ERBB4: variants seen among roughly 807,000 people sequenced by gnomAD.
ERBB4 encodes the protein receptor tyrosine-protein kinase erbB-4.
Under a neutral mutation model 158.0 loss-of-function variants are expected in ERBB4, and 42 were observed. That is an observed-to-expected ratio of 0.27 (90% CI 0.21 to 0.34). The LOEUF is 0.34. ERBB4 is among the 10% of genes least tolerant of loss of function. The pLI is 1.00. For synonymous variants in ERBB4, 583 were observed against 558.7 expected (o/e 1.04, Z -0.61); for missense variants, 1,333 against 1,624.1 (o/e 0.82, Z 3.08).
chr2:212,146,482 G>C (rs2080677660), intron 1 of ERBB4, among the ~76,000 whole-genome samples: 1 of 152,128 alleles, frequency 6.6e-6, no homozygotes, highest in African/African-American at 2.4e-5. Flanking sequence ...ATTTGAAATT[G>C]TGCACTATTT....
chr2:211,943,339 A>G (rs193105279), intron 3 of ERBB4, among the ~76,000 whole-genome samples: 52 of 152,240 alleles, frequency 3.4e-4, no homozygotes, highest in African/African-American at 1.2e-3. Context: ...GTTTGGTTAA[A>G]AAAGAGGTGA....
At chr2:211,528,476 A>G (rs1003393758) in intron 20 of ERBB4, among the ~76,000 whole-genome samples, 28 of 152,072 alleles carry the variant, frequency 1.8e-4, no homozygotes, top group African/African-American at 6.3e-4. Context: ...ACAAAGAAAT[A>G]TTGGAGTGAA....
At chr2:212,003,228 G>A (rs193037301) in intron 2 of ERBB4, among the ~76,000 whole-genome samples, 58 of 92,482 alleles carry the variant, frequency 6.3e-4, no homozygotes, top group Non-Finnish European at 7.6e-4. Context: ...AAGGAAGGAA[G>A]GAAGGAAGGA....
intron 2 of ERBB4, among the ~76,000 whole-genome samples, chr2:212,080,544 T>C (rs2078408522): frequency 1.3e-5 from 2 of 151,802 alleles, no homozygotes; most frequent in South Asian, 4.2e-4. Flanking sequence ...TATGTTGATT[T>C]ACATGTTTTG....
intron 1 of ERBB4, among the ~76,000 whole-genome samples, chr2:212,273,749 A>T (rs1246396132): frequency 6.6e-6 from 1 of 151,838 alleles, no homozygotes; most frequent in East Asian, 1.9e-4. Context: ...TATGTTGCTG[A>T]TTATAAACTT....
chr2:212,033,100 G>T (rs1443344798), intron 2 of ERBB4, among the ~76,000 whole-genome samples: 3 of 151,876 alleles, frequency 2.0e-5, no homozygotes, highest in Non-Finnish European at 4.4e-5. Context: ...TAGATACACG[G>T]CAGGGAGAAA....
chr2:212,388,224 T>C (rs1045712862), intron 1 of ERBB4, among the ~76,000 whole-genome samples: 1 of 152,134 alleles, frequency 6.6e-6, no homozygotes, highest in Non-Finnish European at 1.5e-5. Context: ...AATGATTTTC[T>C]AGTTCAGTTG....
intron 1 of ERBB4, among the ~76,000 whole-genome samples, chr2:212,137,061 A>C (rs2080293394): frequency 6.6e-6 from 1 of 152,138 alleles, no homozygotes; most frequent in Admixed American, 6.6e-5. Flanking sequence ...TATTCTAGAA[A>C]CTAGATTCTA....
intron 20 of ERBB4, among the ~76,000 whole-genome samples, chr2:211,472,627 T>C (rs1323091447): frequency 1.3e-5 from 2 of 151,900 alleles, no homozygotes; most frequent in South Asian, 4.1e-4. Flanking sequence ...GGCTTCTTCA[T>C]GCTTTCCCAA....
In ERBB4 at chr2:211,811,489, G is replaced by A. The variant is rs2076755681; in HGVS notation, c.422-23330C>T. On this transcript the variant is annotated intron_variant, in intron 3 of 27. Transcript: ENST00000342788. ...ACCTTGGTGAATCTGACAATTATGT[G>A]TCTCGGGGTTGCTCTTCTCGAGGAG... is the stretch of plus-strand genomic sequence containing the variant. 2.0e-5 allele frequency among the ~76,000 whole-genome samples: 3 copies of A among 152,020 alleles called. No homozygotes were observed. In the South Asian group the frequency reaches 6.3e-4, roughly 32 times the overall value.
At chr2:212,093,548 A>T (rs1164094447) in intron 2 of ERBB4, among the ~76,000 whole-genome samples, 2 of 152,226 alleles carry the variant, frequency 1.3e-5, no homozygotes, top group Non-Finnish European at 2.9e-5. Flanking sequence ...AGCAAAAAAA[A>T]TTACAAATGA....
chr2:212,445,566 A>G, intron 1 of ERBB4, among the ~76,000 whole-genome samples: 1 of 152,298 alleles, frequency 6.6e-6, no homozygotes, highest in African/African-American at 2.4e-5. Context: ...GACCCGGACT[A>G]TCAAGATGAA....
At chr2:212,397,751 T>C (rs974089984) in intron 1 of ERBB4, among the ~76,000 whole-genome samples, 2 of 152,146 alleles carry the variant, frequency 1.3e-5, no homozygotes, top group African/African-American at 2.4e-5. Flanking sequence ...TGTTTTTATA[T>C]TGTGTTCATT....
intron 1 of ERBB4, among the ~76,000 whole-genome samples, chr2:212,268,392 T>C (rs2085226647): frequency 6.6e-6 from 1 of 151,930 alleles, no homozygotes; most frequent in Non-Finnish European, 1.5e-5. Flanking sequence ...CTTTGAAACA[T>C]TAATTTTCGT....
chr2:211,571,841 G>C (rs2067738330), intron 19 of ERBB4, among the ~76,000 whole-genome samples: 1 of 151,942 alleles, frequency 6.6e-6, no homozygotes, highest in Admixed American at 6.6e-5. Context: ...TATTTCAATT[G>C]CTTTCTCATC....
intron 4 of ERBB4, among the ~76,000 whole-genome samples, chr2:211,754,413 T>TTTTTTTC (rs1197186794): frequency 6.6e-6 from 1 of 151,160 alleles, no homozygotes; most frequent in Non-Finnish European, 1.5e-5. Context: ...ATCCCTTTTT[T>TTTTTTTC]TTTTTTGAGA....
At chr2:212,403,113 G>T (rs537167689) in intron 1 of ERBB4, among the ~76,000 whole-genome samples, 4 of 151,934 alleles carry the variant, frequency 2.6e-5, no homozygotes, top group Non-Finnish European at 5.9e-5. Context: ...ACAGAACATT[G>T]GTGAACTTGG....
intron 25 of ERBB4, among the ~76,000 whole-genome samples, chr2:211,393,064 C>G (rs2062836344): frequency 6.6e-6 from 1 of 152,168 alleles, no homozygotes; most frequent in African/African-American, 2.4e-5. Flanking sequence ...TGAGTGGTAT[C>G]TGTAAATATG....
intron 1 of ERBB4, among the ~76,000 whole-genome samples, chr2:212,166,423 T>C (rs1197974369): frequency 6.6e-6 from 1 of 151,952 alleles, no homozygotes; most frequent in African/African-American, 2.4e-5. Context: ...TCTACAAAAT[T>C]GTCTCATTTT....
Sources: allele counts gnomAD v4.1 joint callset (sites outside exome capture counted in the v4.1 genomes callset), GRCh38; gene constraint gnomAD v4.1.1; transcripts MANE v1.5; gene names NCBI Gene and HGNC (gene_info 2026-07-23, HGNC 2026-07-21).